PDE7A: variants seen among roughly 807,000 people sequenced by gnomAD.
PDE7A encodes the protein phosphodiesterase 7A.
In PDE7A, 39 loss-of-function variants were observed where a neutral mutation model predicts 64.3. The ratio of observed to expected loss-of-function variants is 0.61; its 90% CI spans 0.47 to 0.79. PDE7A has a LOEUF of 0.79. PDE7A is among the 30% of genes least tolerant of loss of function. The pLI is 0.00. For missense variants in PDE7A, 470 were observed against 582.8 expected (o/e 0.81, Z 1.99); for synonymous variants, 203 against 206.8 (o/e 0.98, Z 0.16).
intron 6 of PDE7A, among the ~76,000 whole-genome samples, 187 bp from the exon 7 acceptor site, chr8:65,735,081 A>T (rs929544760): frequency 1.3e-5 from 2 of 152,032 alleles, no homozygotes; most frequent in African/African-American, 2.4e-5. Context: ...TATCAATTTG[A>T]CTCTCTATGC....
intron 1 of PDE7A, among the ~76,000 whole-genome samples, chr8:65,839,676 T>A (rs1811031055): frequency 6.6e-6 from 1 of 152,214 alleles, no homozygotes; most frequent in South Asian, 2.1e-4. Flanking sequence ...AATTCTACAA[T>A]ATTTGCTTCA....
At chr8:65,783,194 G>T (rs1477591764) in intron 1 of PDE7A, among the ~76,000 whole-genome samples, 1 of 152,182 alleles carries the variant, frequency 6.6e-6, no homozygotes, top group Admixed American at 6.5e-5. Context: ...TAATAGAAAA[G>T]AAAGGAAAGG....
intron 1 of PDE7A, among the ~76,000 whole-genome samples, chr8:65,802,268 C>CTT (rs1399849157): frequency 3.3e-5 from 5 of 152,164 alleles, no homozygotes; most frequent in Non-Finnish European, 2.9e-5. Flanking sequence ...GATCACTGCA[C>CTT]AACACTGTGA....
intron 3 of PDE7A, among the ~76,000 whole-genome samples, chr8:65,768,566 T>A (rs1808916907): frequency 6.6e-6 from 1 of 152,202 alleles, no homozygotes; most frequent in Non-Finnish European, 1.5e-5. Context: ...ACCTCTTTCT[T>A]TTGTAGATTG....
chr8:65,778,484 C>T (rs1052333942), intron 3 of PDE7A, among the ~76,000 whole-genome samples: 3 of 152,122 alleles, frequency 2.0e-5, no homozygotes, highest in African/African-American at 7.2e-5. Flanking sequence ...TGAACCATTC[C>T]AATCAAAGAC....
At chr8:65,738,316 T>C (rs1036126089) in intron 6 of PDE7A, among the ~76,000 whole-genome samples, 3 of 152,222 alleles carry the variant, frequency 2.0e-5, no homozygotes, top group Admixed American at 6.5e-5. Context: ...CTGGGCACTA[T>C]ATGAAATATC....
intron 7 of PDE7A, among the ~76,000 whole-genome samples, chr8:65,733,916 T>C (rs781307776): frequency 2.6e-5 from 4 of 152,086 alleles, no homozygotes; most frequent in Non-Finnish European, 5.9e-5. Flanking sequence ...AGTTTTGAAG[T>C]AGAGATGGGA....
chr8:65,760,485 G>A (rs1808435635), intron 3 of PDE7A, among the ~76,000 whole-genome samples: 2 of 152,298 alleles, frequency 1.3e-5, no homozygotes, highest in South Asian at 2.1e-4. Context: ...CAAGGAATAG[G>A]AGTGCACTTC....
intron 1 of PDE7A, among the ~76,000 whole-genome samples, chr8:65,826,146 G>A (rs1007330231): frequency 1.3e-5 from 2 of 152,218 alleles, no homozygotes. Context: ...CCAAGAGATT[G>A]AAGAGGTAGC....
chr8:65,841,528 TCCGCGCGGCGCCCGCCCTGCCG>T lies in PDE7A; in HGVS notation c.-42_-21del, dbSNP rs1262078340. The T allele has an allele frequency of 6.9e-7, 1 of 1,440,154 alleles. No individual in the cohort carries two copies. The highest frequency in any genetic ancestry group is 1.5e-5 in the South Asian group (1 of 65,732). The allele number at this position is 1,440,154 out of a possible 1,614,324, so 89.2% of individuals were successfully genotyped here. On this transcript the variant is annotated 5_prime_UTR_variant, in exon 1 of 13. Transcript: ENST00000401827. ...TTCCATTGAATACGCCCGCCCTGCCTCCGCGCGGCGCCCGCCCTGCCGCGGCCGCCGGCCCCTGCAGTGGGAG... is the reference window on the plus strand; with the variant it reads ...TTCCATTGAATACGCCCGCCCTGCCTCGGCCGCCGGCCCCTGCAGTGGGAG...
At chr8:65,764,192 G>C (rs1808654056) in intron 3 of PDE7A, among the ~76,000 whole-genome samples, 1 of 152,110 alleles carries the variant, frequency 6.6e-6, no homozygotes, top group South Asian at 2.1e-4. Flanking sequence ...CAGGAAAAAG[G>C]GACATGGGAT....
At position 65,746,249 on chromosome 8, in the gene PDE7A, A is replaced by G. The variant is rs890073523; in HGVS notation, c.436-779T>C. ...GCACCCAGCCCAGGCATTGTTTTCAATTCTCATTTTAGGGACGTAGAAACA... is the reference window on the plus strand; with the variant it reads ...GCACCCAGCCCAGGCATTGTTTTCAGTTCTCATTTTAGGGACGTAGAAACA... On this transcript the variant is annotated intron_variant, in intron 4 of 12. Transcript: ENST00000401827. 5.9e-5 allele frequency among the ~76,000 whole-genome samples: 9 copies of G among 152,110 alleles called. No homozygotes were observed. The East Asian group carries it at 1.5e-3, about 26-fold the overall frequency.
intron 1 of PDE7A, among the ~76,000 whole-genome samples, chr8:65,836,041 T>G (rs1027026759): frequency 3.9e-5 from 6 of 152,184 alleles, no homozygotes; most frequent in African/African-American, 1.4e-4. Flanking sequence ...ATGAAGCATT[T>G]CTGAAAACAG....
chr8:65,813,069 T>C (rs1229476917), intron 1 of PDE7A, among the ~76,000 whole-genome samples: 7 of 152,148 alleles, frequency 4.6e-5, no homozygotes, highest in Non-Finnish European at 1.0e-4. Context: ...ACTGTGCTAA[T>C]TCAAGAAAAG....
chr8:65,747,486 T>C (rs1000367898), intron 4 of PDE7A, among the ~76,000 whole-genome samples, 166 bp downstream of exon 4: 6 of 152,210 alleles, frequency 3.9e-5, no homozygotes, highest in African/African-American at 1.4e-4. Context: ...CTGTAATGGC[T>C]AATTATAAAA....
chr8:65,735,702 T>C (rs1807100684), intron 6 of PDE7A, among the ~76,000 whole-genome samples: 1 of 152,136 alleles, frequency 6.6e-6, no homozygotes, highest in South Asian at 2.1e-4. Context: ...CAGCTAACTG[T>C]GCAACGCCCA....
At chr8:65,762,935 G>A (rs547172051) in intron 3 of PDE7A, among the ~76,000 whole-genome samples, 2 of 151,770 alleles carry the variant, frequency 1.3e-5, no homozygotes, top group Admixed American at 1.3e-4. Context: ...CCAGGAGTTC[G>A]AGACCAGCCT....
intron 1 of PDE7A, among the ~76,000 whole-genome samples, chr8:65,805,284 G>C (rs1186834662): frequency 6.6e-6 from 1 of 152,166 alleles, no homozygotes; most frequent in Non-Finnish European, 1.5e-5. Flanking sequence ...CAGTAGCTTT[G>C]CTTATTTGAG....
chr8:65,768,248 A>T (rs1184353004), intron 3 of PDE7A, among the ~76,000 whole-genome samples: 1 of 152,206 alleles, frequency 6.6e-6, no homozygotes, highest in South Asian at 2.1e-4. Context: ...AAATATTCCA[A>T]ATCTCTTAAC....
Sources: gnomAD v4.1 joint callset for allele counts (sites outside exome capture counted in the v4.1 genomes callset) on GRCh38, gnomAD v4.1.1 for gene constraint, MANE v1.5 for transcripts, NCBI Gene and HGNC (gene_info 2026-07-23, HGNC 2026-07-21) for gene names.